The following DPYD variants were observed in gnomAD, a reference collection of about 807,000 sequenced individuals.
DPYD encodes the protein dihydropyrimidine dehydrogenase.
DPYD carries 109 observed loss-of-function variants against 116.2 expected under a neutral mutation model. That is an observed-to-expected ratio of 0.94 (90% CI 0.80 to 1.10). The LOEUF is 1.10. DPYD is among the 50% of genes least tolerant of loss of function. The pLI, the probability that DPYD is intolerant of heterozygous loss-of-function variation, is 0.00. For synonymous variants in DPYD, 440 were observed against 432.0 expected, an observed-to-expected ratio of 1.02 and a Z score of -0.23; for missense variants, 1,302 against 1,254.5, an observed-to-expected ratio of 1.04 and a Z score of -0.57.
intron 12 of DPYD, among the ~76,000 whole-genome samples, chr1:97,548,754 AAATTT>A (rs1651097398): frequency 6.6e-6 from 1 of 152,100 alleles, no homozygotes; most frequent in Non-Finnish European, 1.5e-5. Flanking sequence ...TAAAAAAATT[AAATTT>A]AATTTAATTT....
intron 2 of DPYD, among the ~76,000 whole-genome samples, chr1:97,839,557 G>A (rs1669941927): frequency 6.6e-6 from 1 of 151,992 alleles, no homozygotes; most frequent in East Asian, 1.9e-4. Context: ...CAATAAATAT[G>A]ACTATAAAAT....
chr1:97,698,894 A>T (rs1485662195), intron 6 of DPYD, among the ~76,000 whole-genome samples: 1 of 151,988 alleles, frequency 6.6e-6, no homozygotes, highest in Non-Finnish European at 1.5e-5. Context: ...TGCTGACAAA[A>T]TTTTAATCAA....
intron 12 of DPYD, among the ~76,000 whole-genome samples, chr1:97,532,156 G>A (rs1292087666): frequency 1.3e-5 from 2 of 151,870 alleles, no homozygotes; most frequent in South Asian, 2.1e-4. Flanking sequence ...CTGTTAATGC[G>A]GTGTTATCAC....
At chr1:97,705,528 T>A (rs1322437132) in intron 5 of DPYD, among the ~76,000 whole-genome samples, 1 of 152,018 alleles carries the variant, frequency 6.6e-6, no homozygotes, top group Non-Finnish European at 1.5e-5. Flanking sequence ...TAATCCAGTC[T>A]ATCATTGTTG....
chr1:97,603,430 A>T (rs963759621), intron 8 of DPYD, among the ~76,000 whole-genome samples: 7 of 152,016 alleles, frequency 4.6e-5, no homozygotes, highest in Non-Finnish European at 1.5e-5. Context: ...CACAGACATT[A>T]AAAAAGTAAT....
At position 97,689,287 on chromosome 1, in the gene DPYD, A is replaced by G. The variant is rs1343182823; in HGVS notation, c.762+2430T>C. 3.3e-5 allele frequency among the ~76,000 whole-genome samples: 5 copies of G among 152,048 alleles called. 1 individual carries two copies. Among genetic ancestry groups the G allele is most frequent in the Non-Finnish European group, 7.4e-5 (5 of 67,930 alleles). On this transcript the variant is annotated intron_variant, in intron 7 of 22. Transcript: ENST00000370192. Reference sequence around the variant, plus strand: ...AAAAAGATAGTTGGGAGTGAAGATAAAGAAACTGAACTGGGTTCTGGATAT... The same window carrying G: ...AAAAAGATAGTTGGGAGTGAAGATAGAGAAACTGAACTGGGTTCTGGATAT...
At chr1:97,694,395 T>C (rs1661186919) in intron 6 of DPYD, among the ~76,000 whole-genome samples, 1 of 152,142 alleles carries the variant, frequency 6.6e-6, no homozygotes, top group African/African-American at 2.4e-5. Context: ...AAATACTAAA[T>C]GTGAACAAGT....
At chr1:97,387,164 T>C (rs769492526) in intron 14 of DPYD, among the ~76,000 whole-genome samples, 9 of 152,094 alleles carry the variant, frequency 5.9e-5, no homozygotes, top group Non-Finnish European at 1.3e-4. Flanking sequence ...GAAGAGATAG[T>C]GAAACCCAGA....
At chr1:97,815,688 G>C (rs1668569277) in intron 3 of DPYD, among the ~76,000 whole-genome samples, 1 of 152,178 alleles carries the variant, frequency 6.6e-6, no homozygotes, top group African/African-American at 2.4e-5. Context: ...AGGCTTTGAG[G>C]GTGAGGAGCA....
At chr1:97,865,874 T>C (rs1671351323) in intron 2 of DPYD, among the ~76,000 whole-genome samples, 1 of 151,934 alleles carries the variant, frequency 6.6e-6, no homozygotes, top group Non-Finnish European at 1.5e-5. Flanking sequence ...TTGAAATTAA[T>C]ATATACAATA....
intron 2 of DPYD, among the ~76,000 whole-genome samples, chr1:97,869,508 A>C (rs1671555983): frequency 6.6e-6 from 1 of 151,694 alleles, no homozygotes; most frequent in Non-Finnish European, 1.5e-5. Context: ...AGAAACAACA[A>C]ACTGCAGAAA....
chr1:97,409,506 A>G (rs1377471014), intron 14 of DPYD, among the ~76,000 whole-genome samples: 2 of 152,204 alleles, frequency 1.3e-5, no homozygotes, highest in Non-Finnish European at 2.9e-5. Flanking sequence ...AGAACAAATG[A>G]AAGAATCATT....
chr1:97,596,227 T>A (rs1418076271), intron 8 of DPYD, among the ~76,000 whole-genome samples: 3 of 152,110 alleles, frequency 2.0e-5, no homozygotes, highest in East Asian at 3.9e-4. Context: ...ACCTGCAGGA[T>A]TCAAAACTCT....
chr1:97,172,410 G>A (rs1159692703), intron 20 of DPYD, among the ~76,000 whole-genome samples: 2 of 152,110 alleles, frequency 1.3e-5, no homozygotes, highest in Admixed American at 6.6e-5. Flanking sequence ...TTCTGTGTAT[G>A]GGAATTCATA....
rs1650339043 is a variant in DPYD at position 97,540,342 on chromosome 1, G to GGGTGGGT, written c.1524+9217_1524+9218insACCCACC. Reference sequence around the variant, plus strand: ...CCCGGGGTGGGGGGTGGGGGGTGGGGGTGGCGGCGGGGCAGGGAACAAAAC... The same window carrying GGGTGGGT: ...CCCGGGGTGGGGGGTGGGGGGTGGGGGGTGGGTGTGGCGGCGGGGCAGGGAACAAAAC... On this transcript the variant is annotated intron_variant, in intron 12 of 22. Transcript: ENST00000370192. Among the ~76,000 whole-genome samples the GGGTGGGT allele has an allele frequency of 2.9e-5, 4 of 136,744 alleles. No homozygotes were observed. The South Asian group carries it at 1.1e-3, about 37-fold the overall frequency. The allele number at this position is 136,744 out of a possible 152,430, so 89.7% of individuals were successfully genotyped here. A position where few individuals can be genotyped will look rare whatever the true frequency, so the allele number is the denominator to read the frequency against.
intron 20 of DPYD, among the ~76,000 whole-genome samples, chr1:97,137,977 T>G (rs1370022692): frequency 6.6e-6 from 1 of 152,120 alleles, no homozygotes; most frequent in Non-Finnish European, 1.5e-5. Flanking sequence ...GAGGCTGATA[T>G]CTCCACTAAG....
chr1:97,333,436 G>C (rs1206540326), intron 16 of DPYD, among the ~76,000 whole-genome samples: 1 of 151,340 alleles, frequency 6.6e-6, no homozygotes, highest in Admixed American at 6.6e-5. Context: ...CTGACCTTGT[G>C]ATCCGCCCTT....
chr1:97,520,632 C>A (rs141629739), intron 12 of DPYD, among the ~76,000 whole-genome samples: 1,946 of 152,104 alleles, frequency 0.013, 19 homozygotes, highest in Non-Finnish European at 0.022. Flanking sequence ...CCTAACCCCC[C>A]ACTCCCCAAC....
At chr1:97,778,242 G>A (rs193292954) in intron 3 of DPYD, among the ~76,000 whole-genome samples, 1,893 of 148,386 alleles carry the variant, frequency 0.013, 19 homozygotes, top group Non-Finnish European at 0.021. Context: ...GGGAGGAAGG[G>A]AGGGAAGGAA....
Sources: gnomAD v4.1 joint callset for allele counts (sites outside exome capture counted in the v4.1 genomes callset) on GRCh38, gnomAD v4.1.1 for gene constraint, MANE v1.5 for transcripts, NCBI Gene and HGNC (gene_info 2026-07-23, HGNC 2026-07-21) for gene names.